The following TSHZ2 variants were observed in gnomAD, a reference collection of about 807,000 sequenced individuals.
The protein encoded by TSHZ2 is teashirt zinc finger homeobox 2, also known as teashirt homolog 2.
In TSHZ2, 21 loss-of-function variants were observed where a neutral mutation model predicts 74.4. That is an observed-to-expected ratio of 0.28 (90% CI 0.20 to 0.41). The LOEUF (loss-of-function observed/expected upper bound fraction) is 0.41, where lower values mean the gene tolerates loss of function less well. Among genes scored for constraint, TSHZ2 ranks in the 10% least tolerant of loss-of-function variants. TSHZ2 has a pLI of 1.00. For missense variants in TSHZ2, 1,244 were observed against 1,293.5 expected, an observed-to-expected ratio of 0.96 and a Z score of 0.59; for synonymous variants, 540 against 515.3, an observed-to-expected ratio of 1.05 and a Z score of -0.65.
intron 1 of TSHZ2, among the ~76,000 whole-genome samples, chr20:53,166,331 AT>A (rs1988061570): frequency 6.6e-6 from 1 of 152,160 alleles, no homozygotes; most frequent in Non-Finnish European, 1.5e-5. Context: ...AATAAGGCGA[AT>A]TTGGGCTGGG....
chr20:53,387,926 G>A (rs564880712), intron 2 of TSHZ2, among the ~76,000 whole-genome samples: 1 of 151,970 alleles, frequency 6.6e-6, no homozygotes, highest in African/African-American at 2.4e-5. Flanking sequence ...GCATGCGCCT[G>A]TAGTCCCAGC....
intron 2 of TSHZ2, among the ~76,000 whole-genome samples, chr20:53,281,377 C>G (rs1241836951): frequency 6.6e-6 from 1 of 152,150 alleles, no homozygotes; most frequent in Non-Finnish European, 1.5e-5. Context: ...TTATCTAGTA[C>G]AGAGGTTTGT....
intron 1 of TSHZ2, among the ~76,000 whole-genome samples, chr20:53,161,132 A>T (rs1042045355): frequency 1.4e-5 from 2 of 141,058 alleles, no homozygotes; most frequent in Admixed American, 6.9e-5. Context: ...ATTTTCAGCA[A>T]AAAAAAAAAA....
chr20:53,088,068 T>C (rs1985753193), intron 1 of TSHZ2, among the ~76,000 whole-genome samples: 1 of 152,240 alleles, frequency 6.6e-6, no homozygotes, highest in East Asian at 1.9e-4. Flanking sequence ...AGCTTCCTGC[T>C]CTGTTGTCCC....
intron 2 of TSHZ2, among the ~76,000 whole-genome samples, chr20:53,404,345 C>T (rs1242240383): frequency 1.3e-5 from 2 of 152,096 alleles, no homozygotes; most frequent in African/African-American, 2.4e-5. Flanking sequence ...ATTTAAAAAG[C>T]CCATCATAAC....
At chr20:53,080,796 C>G (rs541893632) in intron 1 of TSHZ2, among the ~76,000 whole-genome samples, 2 of 152,232 alleles carry the variant, frequency 1.3e-5, no homozygotes, top group African/African-American at 2.4e-5. Flanking sequence ...GCTGGGGACA[C>G]CTGCTTTAGA....
chr20:53,454,084 T>G (rs931595376), intron 2 of TSHZ2, among the ~76,000 whole-genome samples: 3 of 152,214 alleles, frequency 2.0e-5, no homozygotes, highest in Non-Finnish European at 2.9e-5. Flanking sequence ...TGCCATAAAC[T>G]TAAACAACTT....
chr20:53,103,617 A>T (rs1443053986), intron 1 of TSHZ2, among the ~76,000 whole-genome samples: 1 of 152,234 alleles, frequency 6.6e-6, no homozygotes, highest in Admixed American at 6.5e-5. Context: ...GAGAAAAATC[A>T]TCTCACTTCT....
chr20:53,222,638 G>A (rs1013968960), intron 1 of TSHZ2, among the ~76,000 whole-genome samples: 11 of 152,284 alleles, frequency 7.2e-5, no homozygotes, highest in Middle Eastern at 3.4e-3. Flanking sequence ...CACTTAAAAA[G>A]CAGGAACCAT....
At chr20:53,180,709 C>T (rs866864432) in intron 1 of TSHZ2, among the ~76,000 whole-genome samples, 1 of 152,046 alleles carries the variant, frequency 6.6e-6, no homozygotes, top group Non-Finnish European at 1.5e-5. Flanking sequence ...CCAGATGTCA[C>T]CAAAGCAGAA....
intron 1 of TSHZ2, among the ~76,000 whole-genome samples, chr20:53,049,319 G>A (rs1984340842): frequency 6.6e-6 from 1 of 151,552 alleles, no homozygotes; most frequent in African/African-American, 2.4e-5. Context: ...TGTTCTGACT[G>A]GGCCCCCAGC....
chr20:53,203,053 A>C (rs1462934930), intron 1 of TSHZ2, among the ~76,000 whole-genome samples: 2 of 152,202 alleles, frequency 1.3e-5, no homozygotes, highest in Admixed American at 1.3e-4. Context: ...AATCATTGTC[A>C]GATTCAGAGC....
intron 2 of TSHZ2, among the ~76,000 whole-genome samples, chr20:53,368,094 G>T (rs1981336134): frequency 6.6e-6 from 1 of 152,080 alleles, no homozygotes; most frequent in Non-Finnish European, 1.5e-5. Context: ...CATGACAGCA[G>T]CTTGTAGAAG....
At chr20:53,401,154 C>G (rs1038868944) in intron 2 of TSHZ2, 1 of 152,190 alleles carries the variant, frequency 6.6e-6, no homozygotes, top group Non-Finnish European at 1.5e-5. Context: ...TGAGGCGGTG[C>G]TCTGTTTGGG....
rs930145119 is a variant in TSHZ2, at chr20:53,488,239, C to T, written c.*1104C>T. 2 of 152,036 alleles carry T rather than the reference C, an allele frequency of 1.3e-5. No homozygotes were observed. The highest frequency in any genetic ancestry group is 4.8e-5 in the African/African-American group (2 of 41,360). 9.4% of individuals were successfully genotyped at this position (152,036 alleles called of 1,614,324 possible). ...TCTAATTAAGACATCCATTAAAAGC[C>T]CGTTAAAGTTAATTTAACGTAAAAA... On this transcript the variant is annotated 3_prime_UTR_variant, in exon 3 of 3. Coordinates refer to ENST00000371497, the MANE Select transcript of TSHZ2 (RefSeq NM_173485.6).
Position 53,254,985 on chromosome 20 carries a change from C to T in TSHZ2, c.1527C>T (p.Gly509=). Residue 509 remains glycine (G), a synonymous_variant, in exon 2 of 3, where the codon GGC becomes GGT. Coordinates refer to ENST00000371497, the MANE Select transcript of TSHZ2 (RefSeq NM_173485.6). ...QYLREEDLED[G]SKGGGDILKS... is the part of the protein sequence containing the mutation. ...TAAGGGAGGAAGACTTGGAAGATGG[C>T]TCAAAGGGTGGAGGGGACATTTTGA... is the stretch of plus-strand genomic sequence containing the variant. 1 of 1,614,152 alleles carries T rather than the reference C, an allele frequency of 6.2e-7. No homozygotes were observed. The highest frequency in any genetic ancestry group is 8.5e-7 in the Non-Finnish European group (1 of 1,180,016).
intron 1 of TSHZ2, among the ~76,000 whole-genome samples, chr20:53,091,269 ATAGT>A (rs1568754917): frequency 6.6e-6 from 1 of 152,140 alleles, no homozygotes; most frequent in Non-Finnish European, 1.5e-5. Flanking sequence ...AGTGCAGGAG[ATAGT>A]TCTATAACGG....
At chr20:53,071,990 G>C (rs1985188965) in intron 1 of TSHZ2, among the ~76,000 whole-genome samples, 2 of 152,168 alleles carry the variant, frequency 1.3e-5, no homozygotes, top group African/African-American at 4.8e-5. Flanking sequence ...AGCTTTTACT[G>C]TCAGCTTGTG....
At chr20:53,339,235 C>T (rs1980079866) in intron 2 of TSHZ2, among the ~76,000 whole-genome samples, 1 of 152,172 alleles carries the variant, frequency 6.6e-6, no homozygotes, top group Non-Finnish European at 1.5e-5. Context: ...CAACTCAGGA[C>T]TCCTTCCTCT....
Sources: allele counts gnomAD v4.1 joint callset (sites outside exome capture counted in the v4.1 genomes callset), GRCh38; gene constraint gnomAD v4.1.1; transcripts MANE v1.5; gene names NCBI Gene and HGNC (gene_info 2026-07-23, HGNC 2026-07-21).